The following DNAH14 variants were observed in gnomAD, a reference collection of about 807,000 sequenced individuals.
The protein encoded by DNAH14 is axonemal beta dynein heavy chain 14.
DNAH14 carries 478 observed loss-of-function variants against 520.9 expected under a neutral mutation model. That is an observed-to-expected ratio of 0.92 (90% CI 0.85 to 0.99). The LOEUF is 0.99. DNAH14 is among the 50% of genes least tolerant of loss of function. DNAH14 has a pLI of 0.00. For synonymous variants in DNAH14, 1,581 were observed against 1,757.2 expected (o/e 0.90, Z 2.51); for missense variants, 4,831 against 5,234.5 (o/e 0.92, Z 2.38).
At chr1:225,196,121 G>T (rs901256683) in intron 38 of DNAH14, among the ~76,000 whole-genome samples, 1 of 151,934 alleles carries the variant, frequency 6.6e-6, no homozygotes, top group African/African-American at 2.4e-5. Flanking sequence ...CCCATCACCT[G>T]AGCAGTATAC....
chr1:225,228,915 C>G (rs1030598575), intron 41 of DNAH14, among the ~76,000 whole-genome samples: 6 of 152,168 alleles, frequency 3.9e-5, no homozygotes, highest in African/African-American at 1.4e-4. Context: ...CTGTTCTTAC[C>G]CAGGGGCAAA....
chr1:225,286,367 A>T (rs148217431), intron 54 of DNAH14, among the ~76,000 whole-genome samples: 1 of 152,310 alleles, frequency 6.6e-6, no homozygotes, highest in African/African-American at 2.4e-5. Flanking sequence ...CAATTTGATT[A>T]TTATACATTA....
chr1:225,174,590 T>A lies in DNAH14; in HGVS notation c.5535+6562T>A, dbSNP rs570834257. Reference sequence around the variant, plus strand: ...GCTTTTTGGTGGAGTCGTTAGTACTTTCTGTATAGATGATCATGTCATCTG... The same window carrying A: ...GCTTTTTGGTGGAGTCGTTAGTACTATCTGTATAGATGATCATGTCATCTG... On this transcript the variant is annotated intron_variant, in intron 36 of 85. Coordinates refer to ENST00000682510, the MANE Select transcript of DNAH14 (RefSeq NM_001367479.1). 3.3e-4 allele frequency among the ~76,000 whole-genome samples: 50 copies of A among 152,304 alleles called. No homozygotes were observed. In the South Asian group the frequency reaches 5.0e-3, roughly 15 times the overall value.
At position 224,996,172 on chromosome 1, in the gene DNAH14, G is replaced by GT. The variant is rs200929904; in HGVS notation, c.831-6601dup. Among the ~76,000 whole-genome samples the GT allele has an allele frequency of 1.6e-3, 239 of 148,774 alleles. 3 individuals are homozygous for GT. The East Asian group carries it at 0.027, about 17-fold the overall frequency. On this transcript the variant is annotated intron_variant, in intron 8 of 85. Coordinates refer to ENST00000682510, the MANE Select transcript of DNAH14 (RefSeq NM_001367479.1). ...CAGACACCTCTTTCAGCTTTTATAG[G>GT]TTTTTTTTTTCTTTTTTGAGACAGA...
intron 46 of DNAH14, among the ~76,000 whole-genome samples, chr1:225,263,853 CA>C (rs1268908460): frequency 1.3e-5 from 2 of 151,772 alleles, no homozygotes; most frequent in Non-Finnish European, 2.9e-5. Flanking sequence ...GAAACAAGAC[CA>C]AAATAAGATG....
chr1:225,206,055 G>A lies in DNAH14; in HGVS notation c.6062G>A (p.Arg2021Lys). The A allele has an allele frequency of 6.4e-7, 1 of 1,551,604 alleles. No individual in the cohort carries two copies. The highest frequency in any genetic ancestry group is 8.7e-7 in the Non-Finnish European group (1 of 1,146,866). ...ENLNSVLDDT[R>K]TLCLANSERI... ...CTGAACTCTGTGCTAGATGATACTA[G>A]AACATTGTGCCTAGCAAACAGTGAG... is the stretch of plus-strand genomic sequence containing the variant. The change falls in exon 40 of 86, where the codon AGA becomes AAA. Residue 2021 changes from arginine to lysine, a missense_variant. Transcript: ENST00000682510.
chr1:225,376,778 A>T (rs1019027342), intron 78 of DNAH14, among the ~76,000 whole-genome samples: 2 of 152,264 alleles, frequency 1.3e-5, no homozygotes, highest in Admixed American at 1.3e-4. Flanking sequence ...TTCCTTAATG[A>T]TATCAAGAAA....
At chr1:224,952,468 CAATA>C (rs2060240345) in intron 1 of DNAH14, among the ~76,000 whole-genome samples, 198 bp from the exon 2 acceptor site, 1 of 152,020 alleles carries the variant, frequency 6.6e-6, no homozygotes, top group African/African-American at 2.4e-5. Context: ...GGAAGTTAGA[CAATA>C]TAGAGATTGC....
chr1:225,260,599 C>T (rs1464345539), intron 46 of DNAH14, among the ~76,000 whole-genome samples: 1 of 146,952 alleles, frequency 6.8e-6, no homozygotes, highest in African/African-American at 2.6e-5. Flanking sequence ...AGGGTGATGC[C>T]ACAAGCTTTT....
intron 75 of DNAH14, 26 bp downstream of exon 75, chr1:225,360,917 G>A: frequency 6.5e-7 from 1 of 1,542,820 alleles, no homozygotes; most frequent in Non-Finnish European, 8.8e-7. Context: ...TTATCTGTAA[G>A]GGATCAGATT....
At chr1:225,348,934 C>T (rs2095325553) in intron 71 of DNAH14, among the ~76,000 whole-genome samples, 1 of 152,126 alleles carries the variant, frequency 6.6e-6, no homozygotes, top group African/African-American at 2.4e-5. Flanking sequence ...CTTGTGACAT[C>T]AATAACATAA....
intron 52 of DNAH14, among the ~76,000 whole-genome samples, chr1:225,275,348 A>G (rs1231025416): frequency 6.6e-6 from 1 of 152,324 alleles, no homozygotes; most frequent in South Asian, 2.1e-4. Context: ...CAGTGCTGTG[A>G]CAGACCTATG....
intron 38 of DNAH14, among the ~76,000 whole-genome samples, chr1:225,194,719 A>G (rs973330029): frequency 2.0e-5 from 3 of 152,134 alleles, no homozygotes; most frequent in Admixed American, 1.3e-4. Context: ...TATCAACAGA[A>G]TAAGCAGATA....
chr1:225,075,768 G>T (rs1219215051), intron 17 of DNAH14, among the ~76,000 whole-genome samples: 2 of 152,160 alleles, frequency 1.3e-5, no homozygotes, highest in African/African-American at 4.8e-5. Flanking sequence ...GCTTTATTTT[G>T]TTCCTTTGGT....
chr1:225,206,833 T>A lies in DNAH14; in HGVS notation c.6187-135T>A, dbSNP rs114381841. 1.3e-3 allele frequency: 1,015 copies of A among 761,264 alleles called. 8 individuals carry two copies. In the African/African-American group the frequency reaches 0.017, roughly 12 times the overall value. The allele number at this position is 761,264 out of a possible 1,614,324, so 47.2% of individuals were successfully genotyped here. A position where few individuals can be genotyped will look rare whatever the true frequency, so the allele number is the denominator to read the frequency against. On this transcript the variant is annotated intron_variant, in intron 40 of 85. Coordinates refer to ENST00000682510, the MANE Select transcript of DNAH14 (RefSeq NM_001367479.1). Reference sequence around the variant, plus strand: ...TAATTCCTTAAGCTACTTTGATCATTTGCCCTTTAATGAATGACAATTCTA... The same window carrying A: ...TAATTCCTTAAGCTACTTTGATCATATGCCCTTTAATGAATGACAATTCTA...
At chr1:224,983,682 T>C (rs1247311338) in intron 8 of DNAH14, among the ~76,000 whole-genome samples, 2 of 152,142 alleles carry the variant, frequency 1.3e-5, no homozygotes, top group Non-Finnish European at 2.9e-5. Flanking sequence ...CTAGCACTGA[T>C]AAAAGTATTC....
intron 2 of DNAH14, among the ~76,000 whole-genome samples, chr1:224,954,200 G>A (rs528289579): frequency 6.6e-5 from 10 of 152,038 alleles, no homozygotes; most frequent in East Asian, 3.9e-4. Context: ...AACTTAAAGC[G>A]CTCAAAGGAA....
rs1011452990 is a variant in DNAH14, at chr1:225,166,183, A to G, written c.5446-1756A>G. ...GGGTGCCTCTTGTGCTAGTTTTAAC[A>G]TTTTTCAAGTATTTCCACATGCCCA... On this transcript the variant is annotated intron_variant, in intron 35 of 85. Coordinates refer to ENST00000682510, the MANE Select transcript of DNAH14 (RefSeq NM_001367479.1). Among the ~76,000 whole-genome samples the G allele has an allele frequency of 5.3e-5, 8 of 151,946 alleles. No homozygotes were observed. In the East Asian group the frequency reaches 1.4e-3, roughly 26 times the overall value.
intron 11 of DNAH14, among the ~76,000 whole-genome samples, chr1:225,026,342 GTCTTGAAGATTTAC>G (rs2066119773): frequency 6.6e-6 from 1 of 151,832 alleles, no homozygotes; most frequent in Non-Finnish European, 1.5e-5. Flanking sequence ...CTAATCCAAA[GTCTTGAAGATTTAC>G]TCTTGTTTTT....
Sources: allele counts gnomAD v4.1 joint callset (sites outside exome capture counted in the v4.1 genomes callset), GRCh38; gene constraint gnomAD v4.1.1; transcripts MANE v1.5; gene names NCBI Gene and HGNC (gene_info 2026-07-23, HGNC 2026-07-21).